The following CCDC28A variants were observed in gnomAD, a reference collection of about 807,000 sequenced individuals.
CCDC28A encodes the protein coiled-coil domain containing 28A, also known as coiled-coil domain-containing protein 28A.
A neutral mutation model predicts 22.1 loss-of-function variants in CCDC28A; 24 were observed. That is an observed-to-expected ratio of 1.09 (90% CI 0.79 to 1.53). CCDC28A has a LOEUF of 1.53. Ranked by LOEUF, CCDC28A falls within the 40% of genes most tolerant of loss-of-function variation. The pLI is 0.00. For missense variants in CCDC28A, 170 were observed against 210.7 expected, an observed-to-expected ratio of 0.81 and a Z score of 1.20; for synonymous variants, 83 against 74.7, an observed-to-expected ratio of 1.11 and a Z score of -0.57.
At chr6:138,781,040 T>C (rs1003670235) in intron 3 of CCDC28A, among the ~76,000 whole-genome samples, 1 of 152,204 alleles carries the variant, frequency 6.6e-6, no homozygotes, top group Non-Finnish European at 1.5e-5. Flanking sequence ...TTTTGTTACT[T>C]AACTTCCCCA....
intron 5 of CCDC28A, among the ~76,000 whole-genome samples, chr6:138,790,959 CCAGATCTAGAGTTG>C (rs1342276943): frequency 6.6e-6 from 1 of 152,292 alleles, no homozygotes; most frequent in South Asian, 2.1e-4. Context: ...ATTTTCTGTT[CCAGATCTAGAGTTG>C]CACTGTTCAA....
chr6:138,779,743 T>G, intron 2 of CCDC28A, 79 bp from the exon 3 acceptor site: 1 of 1,099,796 alleles, frequency 9.1e-7, no homozygotes, highest in Non-Finnish European at 1.3e-6. Flanking sequence ...TAAGGGAAAT[T>G]CCATTTACTT....
rs547397111 is a variant in CCDC28A at position 138,792,530 on chromosome 6, A to T, written c.501-219A>T. ...AAGTGAGTCCTTATCTCTAAAATTT[A>T]AAAAAAAAAAAGTCTTCAAATTCTA... On this transcript the variant is annotated intron_variant, in intron 5 of 5. Coordinates refer to ENST00000617445, the MANE Select transcript of CCDC28A (RefSeq NM_015439.3). Among the ~76,000 whole-genome samples the T allele has an allele frequency of 3.2e-4, 24 of 74,374 alleles. No individual in the cohort carries two copies. The East Asian group carries it at 7.6e-3, about 24-fold the overall frequency. 48.8% of individuals were successfully genotyped at this position (74,374 alleles called of 152,430 possible). A position where few individuals can be genotyped will look rare whatever the true frequency, so the allele number is the denominator to read the frequency against.
chr6:138,792,744 T>C lies in CCDC28A; in HGVS notation c.501-5T>C, dbSNP rs1775190881. On this transcript the variant is annotated splice_polypyrimidine_tract_variant and splice_region_variant and intron_variant, in intron 5 of 5. Coordinates refer to ENST00000617445, the MANE Select transcript of CCDC28A (RefSeq NM_015439.3). ...AATGAAAATCTTCTTAACTGATTAATTCAGACAAAAACTCCATTTGGCAGA... is the reference window on the plus strand; with the variant it reads ...AATGAAAATCTTCTTAACTGATTAACTCAGACAAAAACTCCATTTGGCAGA... 6.3e-7 allele frequency: 1 copy of C among 1,590,944 alleles called. No individual in the cohort carries two copies. The highest frequency in any genetic ancestry group is 1.7e-5 in the Admixed American group (1 of 59,948).
chr6:138,791,096 T>C (rs898119256), intron 5 of CCDC28A, among the ~76,000 whole-genome samples: 4 of 152,116 alleles, frequency 2.6e-5, no homozygotes, highest in African/African-American at 9.7e-5. Flanking sequence ...TATATATATA[T>C]ATTTCTGAGA....
chr6:138,778,378 CT>C (rs35826991), intron 2 of CCDC28A, among the ~76,000 whole-genome samples: 2 of 152,184 alleles, frequency 1.3e-5, no homozygotes, highest in Non-Finnish European at 2.9e-5. Flanking sequence ...TCACTTATCA[CT>C]TTTAGGAAGC....
chr6:138,790,259 T>C (rs1000833812), intron 5 of CCDC28A, among the ~76,000 whole-genome samples: 3 of 152,112 alleles, frequency 2.0e-5, no homozygotes, highest in Non-Finnish European at 4.4e-5. Flanking sequence ...CAAGCAATTC[T>C]CCTGCCTTAG....
intron 3 of CCDC28A, among the ~76,000 whole-genome samples, chr6:138,782,273 T>C (rs550329654): frequency 6.6e-6 from 1 of 152,338 alleles, no homozygotes; most frequent in East Asian, 1.9e-4. Flanking sequence ...GTCAGAGTCT[T>C]TCTTAGCAGG....
chr6:138,792,176 G>A lies in CCDC28A; in HGVS notation c.501-573G>A, dbSNP rs141480086. 1.1e-4 allele frequency among the ~76,000 whole-genome samples: 17 copies of A among 152,220 alleles called. No individual in the cohort carries two copies. The East Asian group carries it at 3.3e-3, about 29-fold the overall frequency. On this transcript the variant is annotated intron_variant, in intron 5 of 5. Transcript: ENST00000617445. ...TCTCAAAAGATTTTTTTAATCTAGT[G>A]TCTTGTCATGTTTGTCTCTAATCAG...
At chr6:138,780,010 AT>A (rs1343870752) in intron 3 of CCDC28A, 25 bp downstream of exon 3, 3 of 1,551,468 alleles carry the variant, frequency 1.9e-6, no homozygotes, top group South Asian at 1.2e-5. Flanking sequence ...TTTCTGTATT[AT>A]TTTTTTCTCT....
chr6:138,788,486 G>A (rs1270026042), intron 5 of CCDC28A, 98 bp downstream of exon 5: 1 of 570,372 alleles, frequency 1.8e-6, no homozygotes, highest in Non-Finnish European at 3.0e-6. Flanking sequence ...ATTTAGATAT[G>A]GTGGAAAAAA....
At chr6:138,783,268 C>CTTTTT (rs36017020) in intron 3 of CCDC28A, among the ~76,000 whole-genome samples, 1 of 113,616 alleles carries the variant, frequency 8.8e-6, no homozygotes, top group Non-Finnish European at 1.8e-5. Flanking sequence ...CGTTATTGAA[C>CTTTTT]TTTTTTTTTT....
Position 138,779,948 on chromosome 6 carries a change from T to C in CCDC28A, c.285T>C (p.Leu95=), listed in dbSNP as rs368123678. 24 of 1,612,628 alleles carry C rather than the reference T, an allele frequency of 1.5e-5. No homozygotes were observed. The African/African-American group carries it at 3.2e-4, about 22-fold the overall frequency. The part of the protein sequence containing the change: ...VQEMERGLLS[L]LNDFHSGKLQ... Reference sequence around the variant, plus strand: ...AGATGGAGAGAGGGCTGCTCAGTCTTTTGAATGATTTCCACTCTGGAAAAC... The same window carrying C: ...AGATGGAGAGAGGGCTGCTCAGTCTCTTGAATGATTTCCACTCTGGAAAAC... Residue 95 remains leucine (L), a synonymous_variant, in exon 3 of 6, where the codon CTT becomes CTC. Transcript: ENST00000617445.
chr6:138,776,558 A>C (rs916053875), intron 2 of CCDC28A, among the ~76,000 whole-genome samples: 1 of 152,288 alleles, frequency 6.6e-6, no homozygotes, highest in South Asian at 2.1e-4. Flanking sequence ...AGAAATGGGA[A>C]AAGTGAAAAA....
At chr6:138,784,074 A>G (rs1775058947) in intron 3 of CCDC28A, among the ~76,000 whole-genome samples, 1 of 151,740 alleles carries the variant, frequency 6.6e-6, no homozygotes, top group African/African-American at 2.4e-5. Context: ...TTTAGTAGAG[A>G]CAAGGTTTCA....
At chr6:138,785,092 A>T (rs1446809353) in intron 3 of CCDC28A, 135 bp from the exon 4 acceptor site, 1 of 528,876 alleles carries the variant, frequency 1.9e-6, no homozygotes, top group Non-Finnish European at 3.2e-6. Context: ...AAACACAGAA[A>T]ATATTAATGA....
At chr6:138,784,974 G>T (rs1775070589) in intron 3 of CCDC28A, among the ~76,000 whole-genome samples, 5 of 152,184 alleles carry the variant, frequency 3.3e-5, no homozygotes, top group Admixed American at 3.3e-4. Context: ...TTACAGGCGT[G>T]AGCCACCACG....
chr6:138,791,761 T>C (rs1285224666), intron 5 of CCDC28A, among the ~76,000 whole-genome samples: 1 of 152,250 alleles, frequency 6.6e-6, no homozygotes, highest in Non-Finnish European at 1.5e-5. Context: ...CCTAGCATTC[T>C]GCCTTATATT....
chr6:138,790,576 A>G (rs1775157639), intron 5 of CCDC28A, among the ~76,000 whole-genome samples: 1 of 152,242 alleles, frequency 6.6e-6, no homozygotes, highest in Non-Finnish European at 1.5e-5. Context: ...TATATAATAC[A>G]AGAGTGTAGG....
Sources: gnomAD v4.1 joint callset for allele counts (sites outside exome capture counted in the v4.1 genomes callset) on GRCh38, gnomAD v4.1.1 for gene constraint, MANE v1.5 for transcripts, NCBI Gene and HGNC (gene_info 2026-07-23, HGNC 2026-07-21) for gene names.